The following DOCK1 variants were observed in gnomAD, a reference collection of about 807,000 sequenced individuals.
The protein encoded by DOCK1 is dedicator of cytokinesis protein 1.
A neutral mutation model predicts 262.7 loss-of-function variants in DOCK1; 138 were observed. The ratio of observed to expected loss-of-function variants is 0.53; its 90% confidence interval spans 0.46 to 0.61. The LOEUF is 0.61. Ranked by LOEUF, DOCK1 falls within the 20% of genes least tolerant of loss-of-function variation. The pLI, the probability that DOCK1 is intolerant of heterozygous loss-of-function variation, is 0.00. For missense variants in DOCK1, 1,908 were observed against 2,370.7 expected, an observed-to-expected ratio of 0.80 and a Z score of 4.05; for synonymous variants, 866 against 867.4, an observed-to-expected ratio of 1.00 and a Z score of 0.03.
intron 40 of DOCK1, among the ~76,000 whole-genome samples, chr10:127,405,569 G>A (rs942008175): frequency 1.3e-5 from 2 of 151,856 alleles, no homozygotes; most frequent in African/African-American, 4.8e-5. Context: ...AAACCAGTTG[G>A]GAGATTCCCC....
At chr10:127,291,344 T>C (rs1240227058) in intron 29 of DOCK1, among the ~76,000 whole-genome samples, 1 of 152,212 alleles carries the variant, frequency 6.6e-6, no homozygotes, top group Non-Finnish European at 1.5e-5. Context: ...AGGCAGAGAA[T>C]ATGGCCACTT....
At chr10:127,425,772 C>T in intron 46 of DOCK1, 102 bp from the exon 47 acceptor site, 2 of 1,521,438 alleles carry the variant, frequency 1.3e-6, no homozygotes, top group Middle Eastern at 1.7e-4. Flanking sequence ...GATTTGGAAA[C>T]CAAAGCAGAT....
At chr10:127,042,759 T>C (rs748918283) in intron 20 of DOCK1, 45 bp downstream of exon 20, 1 of 1,588,390 alleles carries the variant, frequency 6.3e-7, no homozygotes, top group East Asian at 2.2e-5. Context: ...CACAGCGTTC[T>C]TCCATGCTGC....
At chr10:126,908,793 T>C (rs2031325152) in intron 1 of DOCK1, among the ~76,000 whole-genome samples, 1 of 152,190 alleles carries the variant, frequency 6.6e-6, no homozygotes, top group African/African-American at 2.4e-5. Flanking sequence ...ACTGGCCAGA[T>C]GATCTTTTCT....
intron 25 of DOCK1, among the ~76,000 whole-genome samples, chr10:127,115,265 T>C (rs994656310): frequency 6.6e-6 from 1 of 152,122 alleles, no homozygotes; most frequent in Non-Finnish European, 1.5e-5. Flanking sequence ...TTTGCTGAGG[T>C]AGAGGGCCTG....
Position 127,362,087 on chromosome 10 carries a change from C to A in DOCK1, c.3307C>A (p.Pro1103Thr), listed in dbSNP as rs2064491287. 2 of 1,611,760 alleles carry A rather than the reference C, an allele frequency of 1.2e-6. No individual in the cohort carries two copies. The highest frequency in any genetic ancestry group is 1.7e-6 in the Non-Finnish European group (2 of 1,179,332). ...AGGTCAACACAAGATAAAGTTCATT[C>A]CAGAAATGGTGGGCCCAATATTAGA... Reference protein sequence around the residue: ...NLGQHKIKFIPEMVGPILEMT... With the variant: ...NLGQHKIKFITEMVGPILEMT... Residue 1103 changes from proline (P) to threonine (T), a missense_variant, in exon 33 of 52, where the codon CCA (proline) becomes ACA (threonine). This residue lies in a region of DOCK1 where 518 missense variants were observed against 575.1 expected (regional missense o/e 0.90). Transcript: ENST00000623213.
chr10:126,915,943 A>G (rs913667670), intron 1 of DOCK1, among the ~76,000 whole-genome samples: 2 of 152,190 alleles, frequency 1.3e-5, no homozygotes, highest in Non-Finnish European at 2.9e-5. Context: ...TGGAATCTCT[A>G]TATTCTGAAA....
At chr10:127,017,190 TACACACGC>T (rs2042034889) in intron 12 of DOCK1, among the ~76,000 whole-genome samples, 1 of 148,936 alleles carries the variant, frequency 6.7e-6, no homozygotes, top group Admixed American at 6.6e-5. Flanking sequence ...ACACCACACA[TACACACGC>T]ACACACAGAT....
chr10:126,970,772 A>T lies in DOCK1; in HGVS notation c.117A>T (p.Leu39Phe). 6.2e-7 allele frequency: 1 copy of T among 1,612,904 alleles called. No homozygotes were observed. Reference protein sequence around the residue: ...SLQIGDTVHILETYEGWYRGY... With the variant: ...SLQIGDTVHIFETYEGWYRGY... ...AGATCGGAGACACTGTGCACATCTT[A>T]GAAACATATGAAGGTGCGTATGCAT... The change falls in exon 2 of 52, where the codon TTA becomes TTT. Residue 39 changes from leucine to phenylalanine, a missense_variant. By Grantham distance (22) the Leu-to-Phe change is conservative (BLOSUM62 0). Around this residue, in one of 9 missense-constraint regions of DOCK1, gnomAD observed 227 missense variants for 254.1 expected, o/e 0.89. Transcript: ENST00000623213.
chr10:127,131,585 G>A (rs2050328072), intron 27 of DOCK1, among the ~76,000 whole-genome samples: 1 of 152,214 alleles, frequency 6.6e-6, no homozygotes, highest in South Asian at 2.1e-4. Flanking sequence ...CAACAGAGCA[G>A]TGTGAGTGAA....
chr10:126,937,515 T>TG (rs1212360643), intron 1 of DOCK1, among the ~76,000 whole-genome samples: 1 of 150,652 alleles, frequency 6.6e-6, no homozygotes, highest in African/African-American at 2.4e-5. Flanking sequence ...TATTTTCTGT[T>TG]TTTTTTTTTG....
intron 27 of DOCK1, among the ~76,000 whole-genome samples, chr10:127,227,870 A>C (rs2058700304): frequency 6.6e-6 from 1 of 152,174 alleles, no homozygotes; most frequent in South Asian, 2.1e-4. Flanking sequence ...TGGAAGCCAA[A>C]CCTTAGAAGC....
chr10:126,945,456 AGAGAGAGAGAGAGAGG>A (rs2035322502), intron 1 of DOCK1, among the ~76,000 whole-genome samples: 1 of 144,918 alleles, frequency 6.9e-6, no homozygotes, highest in Non-Finnish European at 1.6e-5. Flanking sequence ...AGAAGGGGAA[AGAGAGAGAGAGAGAGG>A]GAGAGAGAGA....
At chr10:127,079,467 A>G (rs567217569) in intron 23 of DOCK1, among the ~76,000 whole-genome samples, 119 of 152,346 alleles carry the variant, frequency 7.8e-4, no homozygotes, top group African/African-American at 2.7e-3. Flanking sequence ...TGAAAAGGGC[A>G]AAGTGCTCAC....
chr10:127,031,073 G>A (rs9418715), intron 16 of DOCK1, among the ~76,000 whole-genome samples: 55,789 of 152,106 alleles, frequency 0.37, 10,847 homozygotes, highest in Non-Finnish European at 0.43. Flanking sequence ...TTTCACATTG[G>A]GGTCGTTAGT....
intron 28 of DOCK1, among the ~76,000 whole-genome samples, chr10:127,249,396 CAT>C (rs996215271): frequency 3.3e-3 from 25 of 7,674 alleles, no homozygotes; most frequent in African/African-American, 4.4e-3. Context: ...TATATACACA[CAT>C]ATATACATAT....
chr10:127,368,378 CT>C (rs2065038007), intron 33 of DOCK1, among the ~76,000 whole-genome samples: 1 of 152,194 alleles, frequency 6.6e-6, no homozygotes, highest in Non-Finnish European at 1.5e-5. Flanking sequence ...TCATCCTCCC[CT>C]GCTGCTTCTT....
chr10:127,416,985 G>T (rs11017980), intron 44 of DOCK1, among the ~76,000 whole-genome samples: 14,198 of 152,166 alleles, frequency 0.093, 776 homozygotes, highest in South Asian at 0.16. Context: ...GACATCAGTG[G>T]GCAGACAACC....
At chr10:127,052,227 A>T (rs1009065527) in intron 21 of DOCK1, among the ~76,000 whole-genome samples, 1 of 152,328 alleles carries the variant, frequency 6.6e-6, no homozygotes, top group South Asian at 2.1e-4. Context: ...ACATTTACTG[A>T]TTAGAAAACG....
Sources: gnomAD v4.1 joint callset for allele counts (sites outside exome capture counted in the v4.1 genomes callset) on GRCh38, gnomAD v4.1.1 for gene constraint, gnomAD v4.1.1 regional missense constraint, MANE v1.5 for transcripts, NCBI Gene and HGNC (gene_info 2026-07-23, HGNC 2026-07-21) for gene names.